The following PCDH15 variants were observed in gnomAD, a reference collection of about 807,000 sequenced individuals.
The protein encoded by PCDH15 is protocadherin related 15.
PCDH15 carries 129 observed loss-of-function variants against 178.5 expected under a neutral mutation model. The observed-to-expected ratio is 0.72, with a 90% CI of 0.63 to 0.84. The LOEUF is 0.84. Ranked by LOEUF, PCDH15 falls within the 40% of genes least tolerant of loss-of-function variation. The pLI is 0.00. For missense variants in PCDH15, 2,230 were observed against 2,099.9 expected, an observed-to-expected ratio of 1.06 and a Z score of -1.21; for synonymous variants, 800 against 732.0, an observed-to-expected ratio of 1.09 and a Z score of -1.50.
At position 54,925,201 on chromosome 10, in the gene PCDH15, A is replaced by G. The variant is rs532922122; in HGVS notation, c.-79-27701T>C. On this transcript the variant is annotated intron_variant, in intron 2 of 5. Coordinates refer to the PCDH15 transcript ENST00000458638. ...CACAGCATCATTTATTAAATAAAAA[A>G]TCCTTTCCTTGTTACTTGCTTTTGT... 1.4e-3 allele frequency among the ~76,000 whole-genome samples: 209 copies of G among 152,150 alleles called. 2 individuals are homozygous for G. The highest frequency in any genetic ancestry group is 4.8e-3 in the African/African-American group (201 of 41,454).
intron 32 of PCDH15, among the ~76,000 whole-genome samples, chr10:53,824,534 TAAGAAA>T (rs1564544919): frequency 1.3e-5 from 2 of 152,040 alleles, no homozygotes; most frequent in African/African-American, 2.4e-5. Flanking sequence ...ATACGAACTA[TAAGAAA>T]GAGAAAGAAA....
In PCDH15 at chr10:55,246,048, T is replaced by C. The variant is rs986374990; in HGVS notation, c.-156+73551A>G. On this transcript the variant is annotated intron_variant, in intron 1 of 5. Transcript: ENST00000458638. ...CACAGAGCAGCATCTGGAAAATCAA[T>C]AAAGCAAACCAAAGTTTGCATCAAT... Among the ~76,000 whole-genome samples, 4 of 152,304 alleles carry C rather than the reference T, an allele frequency of 2.6e-5. No individual in the cohort carries two copies. The East Asian group carries it at 7.7e-4, about 29-fold the overall frequency.
At chr10:54,535,098 AT>A (rs1426967277) in intron 2 of PCDH15, among the ~76,000 whole-genome samples, 11 of 152,160 alleles carry the variant, frequency 7.2e-5, no homozygotes, top group Non-Finnish European at 1.5e-4. Context: ...TGGCATTACT[AT>A]TTGCAGATTT....
chr10:53,804,424 G>T lies in PCDH15; in HGVS notation c.*2155C>A, dbSNP rs1841034930. ...TCGCAAAACATTTGGTTGAATCCGT[G>T]TACCTAATTCCCATCTTAAGCTTCA... On this transcript the variant is annotated 3_prime_UTR_variant, in exon 38 of 38. Transcript: ENST00000644397. 6.6e-6 allele frequency: 1 copy of T among 151,880 alleles called. No homozygotes were observed. The highest frequency in any genetic ancestry group is 1.5e-5 in the Non-Finnish European group (1 of 67,902). The allele number at this position is 151,880 out of a possible 1,614,324, so 9.4% of individuals were successfully genotyped here.
At chr10:54,478,227 T>C (rs1182861710) in intron 3 of PCDH15, among the ~76,000 whole-genome samples, 1 of 152,104 alleles carries the variant, frequency 6.6e-6, no homozygotes, top group African/African-American at 2.4e-5. Flanking sequence ...CGCATTTTGA[T>C]GAGAAATTCC....
chr10:55,582,620 A>AT lies in PCDH15; in HGVS notation c.-156+45004dup, dbSNP rs1350113539. ...TGTATATATATATATATATATATAT[A>AT]TATATATATTTTTTTTTTTTTGCTA... is the stretch of plus-strand genomic sequence containing the variant. On this transcript the variant is annotated intron_variant, in intron 2 of 5. Coordinates refer to the PCDH15 transcript ENST00000613346. 4.3e-3 allele frequency among the ~76,000 whole-genome samples: 373 copies of AT among 87,388 alleles called. 5 individuals carry two copies. The highest frequency in any genetic ancestry group is 0.015 in the African/African-American group (249 of 16,552). The allele number at this position is 87,388 out of a possible 152,430, so 57.3% of individuals were successfully genotyped here.
At chr10:55,529,889 C>T (rs1181133772) in intron 2 of PCDH15, among the ~76,000 whole-genome samples, 1 of 149,962 alleles carries the variant, frequency 6.7e-6, no homozygotes, top group Non-Finnish European at 1.5e-5. Flanking sequence ...GGATATGCTA[C>T]GTTAATGCTC....
At chr10:54,844,813 C>T (rs746840122) in intron 3 of PCDH15, among the ~76,000 whole-genome samples, 17 of 151,882 alleles carry the variant, frequency 1.1e-4, no homozygotes, top group Admixed American at 2.6e-4. Flanking sequence ...AATTTGATGA[C>T]GGCCATTATG....
intron 1 of PCDH15, among the ~76,000 whole-genome samples, chr10:55,198,374 T>C (rs1840151053): frequency 6.6e-6 from 1 of 152,142 alleles, no homozygotes; most frequent in Non-Finnish European, 1.5e-5. Flanking sequence ...CCCCTTGCTG[T>C]TCTTGTGACA....
intron 2 of PCDH15, among the ~76,000 whole-genome samples, chr10:55,396,991 GA>G: frequency 6.6e-6 from 1 of 152,268 alleles, no homozygotes; most frequent in East Asian, 1.9e-4. Context: ...AGTATCCTTA[GA>G]AATAGAATGT....
At chr10:55,496,905 A>G (rs1166097499) in intron 2 of PCDH15, among the ~76,000 whole-genome samples, 3 of 151,874 alleles carry the variant, frequency 2.0e-5, no homozygotes, top group African/African-American at 7.2e-5. Context: ...CAATATCTGC[A>G]TAACTTTCCA....
intron 2 of PCDH15, among the ~76,000 whole-genome samples, chr10:55,382,492 T>C (rs1330714508): frequency 2.6e-5 from 4 of 152,156 alleles, no homozygotes; most frequent in African/African-American, 4.8e-5. Context: ...AGCCAAAGAA[T>C]GCAGGTAGCC....
intron 2 of PCDH15, among the ~76,000 whole-genome samples, chr10:55,069,722 G>A (rs1262979605): frequency 6.2e-4 from 89 of 143,482 alleles, no homozygotes; most frequent in African/African-American, 2.1e-3. Flanking sequence ...ATTGTGAATA[G>A]TGCCGCAATA....
chr10:55,295,907 C>A (rs2132272895), intron 1 of PCDH15, among the ~76,000 whole-genome samples: 1 of 152,112 alleles, frequency 6.6e-6, no homozygotes, highest in Non-Finnish European at 1.5e-5. Context: ...ACACTAATCA[C>A]AAAACATTTC....
intron 37 of PCDH15, chr10:53,809,281 T>TC (rs1437946299): frequency 6.2e-7 from 1 of 1,613,882 alleles, no homozygotes; most frequent in Non-Finnish European, 8.5e-7. Flanking sequence ...TTCTGTTGCT[T>TC]CCTCTTGGTC....
At chr10:54,085,582 A>C (rs1022604461) in intron 16 of PCDH15, among the ~76,000 whole-genome samples, 1 of 152,180 alleles carries the variant, frequency 6.6e-6, no homozygotes, top group African/African-American at 2.4e-5. Context: ...ATGAAAAGAT[A>C]CTAGAAAAAT....
At chr10:54,177,404 C>T (rs1366167268) in intron 13 of PCDH15, among the ~76,000 whole-genome samples, 1 of 151,900 alleles carries the variant, frequency 6.6e-6, no homozygotes, top group Non-Finnish European at 1.5e-5. Flanking sequence ...GAGAGTGAAT[C>T]CTAATGCAAA....
At chr10:54,590,342 C>T (rs2091799740) in intron 2 of PCDH15, among the ~76,000 whole-genome samples, 4 of 152,248 alleles carry the variant, frequency 2.6e-5, no homozygotes, top group African/African-American at 9.6e-5. Flanking sequence ...ATTTTATCAT[C>T]CCTTGCTGGC....
rs1311024009 is a variant in PCDH15 at position 53,924,523 on chromosome 10, G to A, written c.3373+14292C>T. Among the ~76,000 whole-genome samples, 3 of 152,350 alleles carry A rather than the reference G, an allele frequency of 2.0e-5. No homozygotes were observed. The South Asian group carries it at 6.2e-4, about 32-fold the overall frequency. ...AACGAGCACCACCCCCTGCTCTGTG[G>A]CACCTGGTCCCATCAACCGCCCAAG... On this transcript the variant is annotated intron_variant, in intron 25 of 37. Transcript: ENST00000644397.
Sources: allele counts gnomAD v4.1 joint callset (sites outside exome capture counted in the v4.1 genomes callset), GRCh38; gene constraint gnomAD v4.1.1; transcripts MANE v1.5; gene names NCBI Gene and HGNC (gene_info 2026-07-23, HGNC 2026-07-21).